The following COBLL1 variants were observed in gnomAD, a reference collection of about 807,000 sequenced individuals.
COBLL1 encodes the protein cordon-bleu protein-like 1.
COBLL1 carries 50 observed loss-of-function variants against 94.8 expected under a neutral mutation model. The observed-to-expected ratio is 0.53, with a 90% CI of 0.42 to 0.67. COBLL1 has a LOEUF of 0.67. Ranked by LOEUF, COBLL1 falls within the 30% of genes least tolerant of loss-of-function variation. The probability of loss-of-function intolerance (pLI) is 0.00; values close to 1 mark genes in which losing one functional copy is unlikely to be tolerated. For missense variants in COBLL1, 1,362 were observed against 1,348.7 expected (o/e 1.01, Z -0.15); for synonymous variants, 448 against 473.8 (o/e 0.95, Z 0.71).
At chr2:164,687,021 C>T (rs902076369) in intron 13 of COBLL1, among the ~76,000 whole-genome samples, 1 of 152,186 alleles carries the variant, frequency 6.6e-6, no homozygotes, top group Non-Finnish European at 1.5e-5. Flanking sequence ...GATTGGTCAT[C>T]TAAACTAATG....
rs772650612 is a variant in COBLL1 at position 164,695,492 on chromosome 2, A to C, written c.1900T>G (p.Ser634Ala). The part of the protein sequence containing the change: ...DSKVEECVQT[S>A]NNNISTQHSC... The stretch of plus-strand genomic sequence containing the variant: ...TGTTGAGTTGATATGTTGTTATTTG[A>C]AGTTTGCACACATTCTTCAACTTTG... Residue 634 changes from serine to alanine, a missense_variant, in exon 12 of 14, where the codon TCA becomes GCA. Physicochemically the swap from Ser to Ala is moderately conservative, Grantham distance 99. Transcript: ENST00000652658. The C allele has an allele frequency of 9.3e-6, 15 of 1,613,928 alleles. No individual in the cohort carries two copies. Among genetic ancestry groups the C allele is most frequent in the Non-Finnish European group, 1.1e-5 (13 of 1,179,914 alleles).
intron 2 of COBLL1, among the ~76,000 whole-genome samples, chr2:164,789,725 C>A (rs1683089786): frequency 6.6e-6 from 1 of 152,168 alleles, no homozygotes; most frequent in Non-Finnish European, 1.5e-5. Context: ...CATCAGCAAG[C>A]CTATTTCTCA....
intron 2 of COBLL1, chr2:164,837,646 T>C (rs1025745558): frequency 8.3e-6 from 3 of 360,432 alleles, no homozygotes; most frequent in Admixed American, 8.1e-5. Flanking sequence ...ATGAATTAGA[T>C]AGGAGTATAT....
At position 164,743,378 on chromosome 2, in the gene COBLL1, A is replaced by G. The variant is rs1057023282; in HGVS notation, c.230+309T>C. 2.5e-5 allele frequency: 5 copies of G among 203,954 alleles called. No individual in the cohort carries two copies. The Admixed American group carries it at 2.9e-4, about 12-fold the overall frequency. The allele number at this position is 203,954 out of a possible 1,614,324, so 12.6% of individuals were successfully genotyped here. ...TTTGTAAGTTTGGTTTACAAAATCA[A>G]TATAACTAATGGCCATTCCTCCAGG... is the stretch of plus-strand genomic sequence containing the variant. On this transcript the variant is annotated intron_variant, in intron 3 of 13. Transcript: ENST00000652658.
rs565223607 is a variant in COBLL1, at chr2:164,823,662, C to T, written c.41+17494G>A. ...CAACTCATTCTCATAGATGACTTCT[C>T]GTTTTTTCCCCTGAGAACATCCCCT... On this transcript the variant is annotated intron_variant, in intron 2 of 13. Transcript: ENST00000652658. 2.6e-5 allele frequency among the ~76,000 whole-genome samples: 4 copies of T among 152,314 alleles called. No individual in the cohort carries two copies. The South Asian group carries it at 6.2e-4, about 24-fold the overall frequency.
intron 2 of COBLL1, among the ~76,000 whole-genome samples, chr2:164,772,826 T>C (rs1352489684): frequency 2.0e-5 from 3 of 152,110 alleles, no homozygotes; most frequent in Admixed American, 6.6e-5. Flanking sequence ...AATAAAAGAA[T>C]AATGTTTTAG....
At chr2:164,824,132 A>G (rs1235520587) in intron 2 of COBLL1, among the ~76,000 whole-genome samples, 1 of 152,248 alleles carries the variant, frequency 6.6e-6, no homozygotes, top group Admixed American at 6.5e-5. Flanking sequence ...CTGTAATCCC[A>G]GCACTTTGGG....
chr2:164,680,017 C>G (rs980756813), downstream of COBLL1, among the ~76,000 whole-genome samples: 6 of 151,752 alleles, frequency 4.0e-5, no homozygotes, highest in African/African-American at 1.5e-4. Flanking sequence ...AAAACTGAAC[C>G]ATAACACCCT....
At chr2:164,800,538 A>C (rs1683715962) in intron 2 of COBLL1, 1 of 702,454 alleles carries the variant, frequency 1.4e-6, no homozygotes, top group East Asian at 2.7e-5. Flanking sequence ...ACTTACCATG[A>C]CCCAGCAATC....
intron 2 of COBLL1, among the ~76,000 whole-genome samples, chr2:164,799,385 T>G (rs1683645925): frequency 6.6e-6 from 1 of 152,186 alleles, no homozygotes; most frequent in African/African-American, 2.4e-5. Context: ...CGAAAATACT[T>G]GACTGTAACT....
At chr2:164,722,049 A>T in intron 7 of COBLL1, 26 bp downstream of exon 7, 2 of 1,529,580 alleles carry the variant, frequency 1.3e-6, no homozygotes, top group Non-Finnish European at 1.8e-6. Flanking sequence ...ATCCAAAAAA[A>T]CAAAATAGAA....
At chr2:164,828,603 T>A (rs772794353) in intron 2 of COBLL1, among the ~76,000 whole-genome samples, 1 of 152,178 alleles carries the variant, frequency 6.6e-6, no homozygotes, top group African/African-American at 2.4e-5. Context: ...ATTATATACG[T>A]ACACCCACTT....
chr2:164,695,369 C>T lies in COBLL1; in HGVS notation c.2023G>A (p.Asp675Asn). ...TCATTACCATGTGCACAAATTGGAT[C>T]TTTTACGGTAAGCGGATCTTCTGAA... is the stretch of plus-strand genomic sequence containing the variant. ...IHSEDPLTVK[D>N]PICAHGNDDL... Residue 675 changes from aspartate (D) to asparagine (N), a missense_variant, in exon 12 of 14, where the codon GAT becomes AAT. Transcript: ENST00000652658. 3 of 1,613,944 alleles carry T rather than the reference C, an allele frequency of 1.9e-6. No homozygotes were observed. The highest frequency in any genetic ancestry group is 2.5e-6 in the Non-Finnish European group (3 of 1,179,942).
At chr2:164,691,171 C>T (rs1683571242) in intron 13 of COBLL1, among the ~76,000 whole-genome samples, 1 of 152,128 alleles carries the variant, frequency 6.6e-6, no homozygotes, top group Non-Finnish European at 1.5e-5. Flanking sequence ...GAATGGCTGT[C>T]ACTCATACCT....
rs552084528 is a variant in COBLL1 at position 164,799,120 on chromosome 2, T to G, written c.41+42036A>C. Among the ~76,000 whole-genome samples, 29 of 151,834 alleles carry G rather than the reference T, an allele frequency of 1.9e-4. 1 individual carries two copies. ...CAGACAGAATCCATAAAGCAACAAT[T>G]TGAAGAATCTGAAAAGTAAATTGAA... On this transcript the variant is annotated intron_variant, in intron 2 of 13. Transcript: ENST00000652658.
At chr2:164,692,142 AG>A in intron 13 of COBLL1, 78 bp downstream of exon 13, 1 of 1,276,934 alleles carries the variant, frequency 7.8e-7, no homozygotes, top group Non-Finnish European at 1.1e-6. Flanking sequence ...TTTACATGCT[AG>A]AAAAATTTTT....
At chr2:164,833,499 G>T (rs1460208401) in intron 2 of COBLL1, among the ~76,000 whole-genome samples, 1 of 146,432 alleles carries the variant, frequency 6.8e-6, no homozygotes, top group Admixed American at 6.9e-5. Flanking sequence ...CGCCCAGGCC[G>T]GACTGCAGTG....
chr2:164,833,210 T>C (rs28584669), intron 2 of COBLL1, among the ~76,000 whole-genome samples: 22,195 of 151,368 alleles, frequency 0.15, 1,951 homozygotes, highest in East Asian at 0.34. Flanking sequence ...AAAAATTAGC[T>C]GGGCATGGTG....
chr2:164,776,910 A>G (rs2105264999), intron 2 of COBLL1, among the ~76,000 whole-genome samples: 1 of 152,328 alleles, frequency 6.6e-6, no homozygotes, highest in East Asian at 1.9e-4. Context: ...ATTTTTAAAA[A>G]TAAACATTGT....
Sources: gnomAD v4.1 joint callset for allele counts (sites outside exome capture counted in the v4.1 genomes callset) on GRCh38, gnomAD v4.1.1 for gene constraint, MANE v1.5 for transcripts, NCBI Gene and HGNC (gene_info 2026-07-23, HGNC 2026-07-21) for gene names.